NHS: variants seen among roughly 807,000 people sequenced by gnomAD.
The protein encoded by NHS is actin remodeling regulator NHS.
A neutral mutation model predicts 72.5 loss-of-function variants in NHS; 5 were observed. The observed-to-expected ratio is 0.07, with a 90% CI of 0.04 to 0.14. NHS has a LOEUF of 0.14. Ranked by LOEUF, NHS falls within the 10% of genes least tolerant of loss-of-function variation. NHS has a pLI of 1.00. For missense variants in NHS, 1,072 were observed against 1,355.7 expected (o/e 0.79, Z 3.29); for synonymous variants, 464 against 547.7 (o/e 0.85, Z 2.13).
intron 1 of NHS, among the ~76,000 whole-genome samples, chrX:17,496,463 T>C (rs942736077): frequency 1.8e-5 from 2 of 110,930 alleles, no homozygotes; most frequent in Non-Finnish European, 3.8e-5. Flanking sequence ...TGAGAGAAAG[T>C]GGTTTAGATT....
chrX:17,502,975 T>G (rs1186905915), intron 1 of NHS, among the ~76,000 whole-genome samples: 1 of 111,736 alleles, frequency 8.9e-6, no homozygotes, highest in Non-Finnish European at 1.9e-5. Context: ...TTCCCTCTCT[T>G]GTGCCTCCAG....
At chrX:17,545,666 T>C (rs1025742837) in intron 1 of NHS, among the ~76,000 whole-genome samples, 3 of 112,155 alleles carry the variant, frequency 2.7e-5, no homozygotes, top group Non-Finnish European at 5.6e-5. Flanking sequence ...CATTGGTCAG[T>C]GTCCAGGCCC....
intron 1 of NHS, among the ~76,000 whole-genome samples, chrX:17,640,050 G>T (rs1184729812): frequency 8.9e-6 from 1 of 111,889 alleles, no homozygotes; most frequent in Non-Finnish European, 1.9e-5. Context: ...AGGGGCATAG[G>T]AGGTGATGGA....
In NHS at chrX:17,375,821, G is replaced by A; in HGVS notation, c.64G>A (p.Gly22Ser). ...GTGCAGGCAGCGGCGCCCTGCGCCC[G>A]GCCCAGCAGTGGACGCGAGCGGAGG... ...WLCRQRRPAP[G>S]PAVDASGGSA... is the part of the protein sequence containing the mutation. Residue 22 changes from glycine to serine, a missense_variant, in exon 1 of 9, where the codon GGC becomes AGC. Transcript: ENST00000676302. 4 of 1,148,908 alleles carry A rather than the reference G, an allele frequency of 3.5e-6. No individual in the cohort carries two copies. Among genetic ancestry groups the A allele is most frequent in the Non-Finnish European group, 3.4e-6 (3 of 870,054 alleles). The allele number at this position is 1,148,908 out of a possible 1,213,427, so 94.7% of individuals were successfully genotyped here. A position where few individuals can be genotyped will look rare whatever the true frequency, so the allele number is the denominator to read the frequency against.
At chrX:17,660,107 A>G (rs1037835092) in intron 1 of NHS, among the ~76,000 whole-genome samples, 7 of 112,261 alleles carry the variant, frequency 6.2e-5, no homozygotes, top group African/African-American at 2.3e-4. Flanking sequence ...TTGAGCCTCA[A>G]GCATATAAAA....
intron 1 of NHS, among the ~76,000 whole-genome samples, chrX:17,416,802 G>A (rs2064597911): frequency 9.7e-6 from 1 of 103,534 alleles, no homozygotes; most frequent in Non-Finnish European, 1.9e-5. Flanking sequence ...ATGTGTGTGT[G>A]TGTGTGTGTG....
intron 1 of NHS, among the ~76,000 whole-genome samples, chrX:17,681,624 C>T (rs992116488): frequency 8.9e-6 from 1 of 111,876 alleles, no homozygotes; most frequent in East Asian, 2.8e-4. Flanking sequence ...AAAGGTTCAA[C>T]GACTTGCACA....
intron 1 of NHS, among the ~76,000 whole-genome samples, chrX:17,446,666 A>G (rs1201073259): frequency 9.0e-6 from 1 of 110,919 alleles, no homozygotes; most frequent in Non-Finnish European, 1.9e-5. Context: ...CAAAAAAAAA[A>G]AAAAATCAAT....
chrX:17,733,420 G>A lies in NHS; in HGVS notation c.*956G>A, dbSNP rs958893860. On this transcript the variant is annotated 3_prime_UTR_variant, in exon 9 of 9. Transcript: ENST00000676302. Reference sequence around the variant, plus strand: ...TGGATTGCTTTAAAGAGAATGAGTAGGGAAAATAGTAGTTAATTTTAGGTT... The same window carrying A: ...TGGATTGCTTTAAAGAGAATGAGTAAGGAAAATAGTAGTTAATTTTAGGTT... The A allele has an allele frequency of 8.9e-6, 1 of 112,006 alleles. No homozygotes were observed. Among genetic ancestry groups the A allele is most frequent in the Non-Finnish European group, 1.9e-5 (1 of 53,130 alleles). 9.2% of individuals were successfully genotyped at this position (112,006 alleles called of 1,213,427 possible).
chrX:17,416,792 ATGTG>A (rs770265000), intron 1 of NHS, among the ~76,000 whole-genome samples: 2 of 95,699 alleles, frequency 2.1e-5, no homozygotes, highest in East Asian at 3.3e-4. Context: ...ATGTAGGAGT[ATGTG>A]TGTGTGTGTG....
chrX:17,407,639 A>G (rs1346215069), intron 1 of NHS, among the ~76,000 whole-genome samples: 2 of 112,126 alleles, frequency 1.8e-5, no homozygotes, highest in Admixed American at 9.4e-5. Flanking sequence ...ATGATAGCTG[A>G]ATGGTGTGCT....
chrX:17,567,184 CA>C (rs1464581548), intron 1 of NHS, among the ~76,000 whole-genome samples: 1 of 112,067 alleles, frequency 8.9e-6, no homozygotes, highest in African/African-American at 3.2e-5. Context: ...CAATTGGGCC[CA>C]TGAGTGGTCT....
At chrX:17,503,191 T>C (rs1029954555) in intron 1 of NHS, among the ~76,000 whole-genome samples, 8 of 112,734 alleles carry the variant, frequency 7.1e-5, no homozygotes, top group Non-Finnish European at 1.5e-4. Flanking sequence ...TCTTGGGTTT[T>C]GCCCTGGCAA....
At chrX:17,538,085 G>A (rs1202995739) in intron 1 of NHS, among the ~76,000 whole-genome samples, 5 of 111,926 alleles carry the variant, frequency 4.5e-5, no homozygotes, top group African/African-American at 6.5e-5. Context: ...TGGCTCTTTC[G>A]CAGAGAGGAG....
At chrX:17,631,508 GAC>G (rs1379470326) in intron 1 of NHS, among the ~76,000 whole-genome samples, 2 of 111,855 alleles carry the variant, frequency 1.8e-5, no homozygotes, top group African/African-American at 6.5e-5. Context: ...TCTCATGAAA[GAC>G]ACAATTCTAG....
At chrX:17,633,720 T>A (rs1048968420) in intron 1 of NHS, among the ~76,000 whole-genome samples, 1 of 111,941 alleles carries the variant, frequency 8.9e-6, no homozygotes, top group Non-Finnish European at 1.9e-5. Flanking sequence ...CCTTTTCAGC[T>A]TGGGGTCACT....
intron 1 of NHS, among the ~76,000 whole-genome samples, chrX:17,683,287 A>C (rs927149391): frequency 5.3e-5 from 6 of 112,237 alleles, no homozygotes; most frequent in Admixed American, 9.4e-5. Flanking sequence ...AGAGTCACTC[A>C]GTTCTTGGTT....
At chrX:17,575,464 A>AT (rs1292160865) in intron 1 of NHS, among the ~76,000 whole-genome samples, 1 of 111,886 alleles carries the variant, frequency 8.9e-6, no homozygotes, top group Non-Finnish European at 1.9e-5. Context: ...TTCCTCTGCT[A>AT]TTTTTCCCAT....
At chrX:17,605,682 G>A (rs2065675187) in intron 1 of NHS, among the ~76,000 whole-genome samples, 1 of 111,014 alleles carries the variant, frequency 9.0e-6, no homozygotes, top group Non-Finnish European at 1.9e-5. Flanking sequence ...TCTGCTGGCC[G>A]TTCTTTGTCC....
Sources: gnomAD v4.1 joint callset for allele counts (sites outside exome capture counted in the v4.1 genomes callset) on GRCh38, gnomAD v4.1.1 for gene constraint, MANE v1.5 for transcripts, NCBI Gene and HGNC (gene_info 2026-07-23, HGNC 2026-07-21) for gene names.